Variants in AIM2 observed in about 807,000 individuals in gnomAD.
AIM2 encodes absent in melanoma 2.
A neutral mutation model predicts 27.7 loss-of-function variants in AIM2; 30 were observed. That is an observed-to-expected ratio of 1.08 (90% CI 0.81 to 1.47). The LOEUF is 1.47. AIM2 is among the 40% of genes most tolerant of loss of function. The pLI, the probability that AIM2 is intolerant of heterozygous loss-of-function variation, is 0.00. For missense variants in AIM2, 358 were observed against 411.3 expected, an observed-to-expected ratio of 0.87 and a Z score of 1.12; for synonymous variants, 141 against 145.3, an observed-to-expected ratio of 0.97 and a Z score of 0.21.
intron 1 of AIM2, among the ~76,000 whole-genome samples, chr1:159,087,342 T>A (rs971040167): frequency 3.3e-5 from 5 of 150,646 alleles, no homozygotes; most frequent in Non-Finnish European, 7.4e-5. Flanking sequence ...AAAAAAATGA[T>A]CACCATGGCT....
At chr1:159,081,074 T>C (rs1449449484), upstream of AIM2, 6 of 202,944 alleles carry the variant, frequency 3.0e-5, no homozygotes, top group East Asian at 7.7e-4. Flanking sequence ...TTTATACTCA[T>C]AATGATAACT....
In AIM2 at chr1:159,075,611, T is replaced by TAG. The variant is rs368061118; in HGVS notation, c.-21+1020_-21+1021dup. Among the ~76,000 whole-genome samples the TAG allele has an allele frequency of 5.7e-3, 824 of 145,706 alleles. 8 individuals are homozygous for TAG. The highest frequency in any genetic ancestry group is 0.012 in the East Asian group (59 of 4,870). On this transcript the variant is annotated intron_variant, in intron 1 of 5. Coordinates refer to ENST00000368130, the MANE Select transcript of AIM2 (RefSeq NM_004833.3). ...GCTATACCTGCTATATATATATATA[T>TAG]AGAGAGAGAGAGAGAGAGAGAGAGC... is the stretch of plus-strand genomic sequence containing the variant.
chr1:159,116,146 C>T (rs1647341495), intron 1 of AIM2, among the ~76,000 whole-genome samples: 2 of 151,380 alleles, frequency 1.3e-5, no homozygotes, highest in South Asian at 4.2e-4. Context: ...CCATCTCACA[C>T]CTGTTAGAAT....
intron 1 of AIM2, among the ~76,000 whole-genome samples, chr1:159,138,978 A>G (rs1380851546): frequency 1.3e-5 from 2 of 152,232 alleles, no homozygotes; most frequent in Non-Finnish European, 2.9e-5. Flanking sequence ...ATATTCATAA[A>G]TTAGGAGATA....
At chr1:159,139,079 T>C (rs1022326662) in intron 1 of AIM2, among the ~76,000 whole-genome samples, 2 of 152,306 alleles carry the variant, frequency 1.3e-5, no homozygotes, top group South Asian at 2.1e-4. Context: ...GTGATATCCT[T>C]CAAGTCTCCA....
At chr1:159,113,745 C>A (rs1423420951) in intron 1 of AIM2, among the ~76,000 whole-genome samples, 3 of 152,192 alleles carry the variant, frequency 2.0e-5, no homozygotes, top group Non-Finnish European at 4.4e-5. Flanking sequence ...GCAGCCTAGT[C>A]CTTAAGTCAG....
intron 1 of AIM2, among the ~76,000 whole-genome samples, chr1:159,135,322 C>A (rs866583690): frequency 6.6e-6 from 1 of 152,142 alleles, no homozygotes; most frequent in Non-Finnish European, 1.5e-5. Flanking sequence ...TAGTTCTGTG[C>A]TTTTATAATT....
intron 3 of AIM2, among the ~76,000 whole-genome samples, chr1:159,066,649 C>A (rs896719956): frequency 6.6e-6 from 1 of 152,142 alleles, no homozygotes; most frequent in African/African-American, 2.4e-5. Flanking sequence ...ACTGCTAAGC[C>A]TCGGGGTAAA....
chr1:159,097,147 G>GT (rs1486394038), intron 1 of AIM2, among the ~76,000 whole-genome samples: 1 of 152,094 alleles, frequency 6.6e-6, no homozygotes, highest in Non-Finnish European at 1.5e-5. Context: ...GCTAAGTCTT[G>GT]TAACTGTGTA....
At chr1:159,079,867 C>A (rs1013545796), upstream of AIM2, among the ~76,000 whole-genome samples, 2 of 152,182 alleles carry the variant, frequency 1.3e-5, no homozygotes, top group African/African-American at 4.8e-5. Flanking sequence ...CAAATCCTGG[C>A]AACCACTGAT....
At chr1:159,136,572 T>A (rs1266559189) in intron 1 of AIM2, among the ~76,000 whole-genome samples, 1 of 152,174 alleles carries the variant, frequency 6.6e-6, no homozygotes, top group East Asian at 1.9e-4. Flanking sequence ...TTCTCACCAT[T>A]CATTCTCTCA....
chr1:159,074,041 AAACAAC>A (rs372355408), intron 1 of AIM2, among the ~76,000 whole-genome samples: 1 of 151,958 alleles, frequency 6.6e-6, no homozygotes, highest in Non-Finnish European at 1.5e-5. Flanking sequence ...CTTCATCTCA[AAACAAC>A]AACAACAACA....
chr1:159,115,565 C>CA (rs1647313465), intron 1 of AIM2, among the ~76,000 whole-genome samples: 1 of 151,872 alleles, frequency 6.6e-6, no homozygotes, highest in Non-Finnish European at 1.5e-5. Context: ...ACAAACCTGA[C>CA]AAAAACAAAA....
At chr1:159,070,427 C>T (rs1043246057) in intron 2 of AIM2, among the ~76,000 whole-genome samples, 3 of 152,148 alleles carry the variant, frequency 2.0e-5, no homozygotes, top group Non-Finnish European at 4.4e-5. Context: ...GGCTCCTCCA[C>T]GTCTATGGTC....
downstream of AIM2, among the ~76,000 whole-genome samples, chr1:159,059,602 A>G (rs969421535): frequency 6.6e-6 from 1 of 152,158 alleles, no homozygotes; most frequent in Admixed American, 6.5e-5. Context: ...CTAATATTTC[A>G]TATCACTTGA....
intron 1 of AIM2, among the ~76,000 whole-genome samples, chr1:159,134,961 C>G (rs1405560597): frequency 6.6e-6 from 1 of 152,236 alleles, no homozygotes; most frequent in Non-Finnish European, 1.5e-5. Flanking sequence ...CCTTATCTTT[C>G]AGATTCAAGT....
intron 1 of AIM2, among the ~76,000 whole-genome samples, chr1:159,134,305 C>T (rs552581126): frequency 1.3e-5 from 2 of 152,362 alleles, no homozygotes; most frequent in African/African-American, 4.8e-5. Context: ...AAGCATCTAT[C>T]CTGGCAGCCT....
chr1:159,144,277 GC>G (rs1428450504), upstream of AIM2, among the ~76,000 whole-genome samples: 1 of 151,830 alleles, frequency 6.6e-6, no homozygotes, highest in Non-Finnish European at 1.5e-5. Flanking sequence ...CAGCAAAAAT[GC>G]CCCCCACCAA....
intron 1 of AIM2, among the ~76,000 whole-genome samples, chr1:159,124,797 G>C (rs1450464821): frequency 6.6e-6 from 1 of 152,210 alleles, no homozygotes; most frequent in Non-Finnish European, 1.5e-5. Flanking sequence ...TAGAGCAGGA[G>C]GAAAACAGGT....
Sources: gnomAD v4.1 joint callset for allele counts (sites outside exome capture counted in the v4.1 genomes callset) on GRCh38, gnomAD v4.1.1 for gene constraint, MANE v1.5 for transcripts, NCBI Gene and HGNC (gene_info 2026-07-23, HGNC 2026-07-21) for gene names.